The following PHKA2 variants were observed in gnomAD, a reference collection of about 807,000 sequenced individuals.
PHKA2 encodes phosphorylase b kinase regulatory subunit alpha, liver isoform.
In PHKA2, 31 loss-of-function variants were observed where a neutral mutation model predicts 102.0. The ratio of observed to expected loss-of-function variants is 0.30; its 90% CI spans 0.23 to 0.41. The LOEUF (loss-of-function observed/expected upper bound fraction) is 0.41, where lower values mean the gene tolerates loss of function less well. PHKA2 is among the 10% of genes least tolerant of loss of function. PHKA2 has a pLI of 1.00. For synonymous variants in PHKA2, 455 were observed against 416.2 expected (o/e 1.09, Z -1.13); for missense variants, 858 against 1,023.1 (o/e 0.84, Z 2.20).
At chrX:18,944,586 T>A (rs146050151) in intron 6 of PHKA2, among the ~76,000 whole-genome samples, 1,480 of 111,614 alleles carry the variant, frequency 0.013, 12 homozygotes, top group Non-Finnish European at 0.016. Flanking sequence ...GTATTTTAAA[T>A]GAGTTTGAAT....
At chrX:18,972,098 G>C (rs1601802495) in intron 1 of PHKA2, among the ~76,000 whole-genome samples, 1 of 112,467 alleles carries the variant, frequency 8.9e-6, no homozygotes, top group Non-Finnish European at 1.9e-5. Context: ...TTATAGCTTT[G>C]CTTTTCACAT....
chrX:18,897,392 G>A, intron 29 of PHKA2, 59 bp from the exon 30 acceptor site: 1 of 1,117,132 alleles, frequency 9.0e-7, no homozygotes, highest in Non-Finnish European at 1.2e-6. Flanking sequence ...CAGGGAAAGT[G>A]CGCCATCTCG....
At chrX:18,897,041 C>T (rs773477977) in intron 30 of PHKA2, 122 bp downstream of exon 30, 1 of 826,856 alleles carries the variant, frequency 1.2e-6, no homozygotes, top group Non-Finnish European at 1.8e-6. Flanking sequence ...CAGGTGCCAA[C>T]AGCGCTGAGG....
At chrX:18,924,971 T>C (rs1005246671) in intron 15 of PHKA2, among the ~76,000 whole-genome samples, 1 of 112,207 alleles carries the variant, frequency 8.9e-6, no homozygotes, top group African/African-American at 3.2e-5. Flanking sequence ...TGCCTGATGT[T>C]GAGAACAAAT....
At chrX:18,957,119 G>T (rs995567406) in intron 1 of PHKA2, among the ~76,000 whole-genome samples, 1 of 112,486 alleles carries the variant, frequency 8.9e-6, no homozygotes, top group African/African-American at 3.2e-5. Flanking sequence ...AGTCAGGCTG[G>T]TCTTGTGCTC....
chrX:18,970,775 T>C (rs1438786393), intron 1 of PHKA2, among the ~76,000 whole-genome samples: 4 of 112,391 alleles, frequency 3.6e-5, no homozygotes, highest in Admixed American at 1.9e-4. Context: ...TCTTGCAGCA[T>C]AGACCACTAC....
At chrX:18,925,839 C>A in intron 14 of PHKA2, 62 bp from the exon 15 acceptor site, 1 of 773,925 alleles carries the variant, frequency 1.3e-6, no homozygotes, top group South Asian at 2.1e-5. Context: ...GTAATCCAGG[C>A]AACTCAGGCT....
chrX:18,980,194 G>A (rs1302396365), intron 1 of PHKA2, among the ~76,000 whole-genome samples: 1 of 113,015 alleles, frequency 8.8e-6, no homozygotes, highest in Non-Finnish European at 1.9e-5. Context: ...AGGGACCTCT[G>A]CCCAGGAAAG....
chrX:18,907,891 C>T lies in PHKA2; in HGVS notation c.2517+9G>A, dbSNP rs751878227. 29 of 1,208,194 alleles carry T rather than the reference C, an allele frequency of 2.4e-5. No individual in the cohort carries two copies. The highest frequency in any genetic ancestry group is 3.1e-5 in the Non-Finnish European group (28 of 894,164). On this transcript the variant is annotated intron_variant, in intron 22 of 32. Coordinates refer to ENST00000379942, the MANE Select transcript of PHKA2 (RefSeq NM_000292.3). Reference sequence around the variant, plus strand: ...AGCACACATGGGCAGCCTGCACAGTCGCACTGACCTCAGCCAGGACCTCCA... The same window carrying T: ...AGCACACATGGGCAGCCTGCACAGTTGCACTGACCTCAGCCAGGACCTCCA...
In PHKA2 at chrX:18,983,856, T is replaced by A. The variant is rs779626363; in HGVS notation, c.77A>T (p.Gln26Leu). 8.3e-7 allele frequency: 1 copy of A among 1,208,378 alleles called. No individual in the cohort carries two copies. Among genetic ancestry groups the A allele is most frequent in the Non-Finnish European group, 1.1e-6 (1 of 892,033 alleles). Reference sequence around the variant, plus strand: ...TCCCTGGGGGCGGTCCCTCCTTACCTGGTAACACAGGATGGTTTGCTGCAC... The same window carrying A: ...TCCCTGGGGGCGGTCCCTCCTTACCAGGTAACACAGGATGGTTTGCTGCAC... ...RLVQQTILCY[Q>L]NPVTGLLSAS... Residue 26 changes from glutamine (Q) to leucine (L), a missense_variant and splice_region_variant, in exon 1 of 33, where the codon CAG becomes CTG. Physicochemically the swap from Gln to Leu is moderately radical, Grantham distance 113 (BLOSUM62 -2). Coordinates refer to ENST00000379942, the MANE Select transcript of PHKA2 (RefSeq NM_000292.3).
At chrX:18,929,524 C>T (rs777248338) in intron 12 of PHKA2, among the ~76,000 whole-genome samples, 1 of 112,138 alleles carries the variant, frequency 8.9e-6, no homozygotes, top group African/African-American at 3.2e-5. Context: ...CTCTAGGGCT[C>T]GTCGAATATG....
Position 18,952,448 on chromosome X carries a change from G to T in PHKA2, c.285+46C>A, listed in dbSNP as rs199512396. 53 of 1,082,359 alleles carry T rather than the reference G, an allele frequency of 4.9e-5. 1 individual carries two copies. In the East Asian group the frequency reaches 1.5e-3, roughly 31 times the overall value. The allele number at this position is 1,082,359 out of a possible 1,213,427, so 89.2% of individuals were successfully genotyped here. On this transcript the variant is annotated intron_variant, in intron 3 of 32. Transcript: ENST00000379942. Reference sequence around the variant, plus strand: ...GCATGTTAACTGTCACAATTACAATGACATGGAATGCCCACTTGGCAAACA... The same window carrying T: ...GCATGTTAACTGTCACAATTACAATTACATGGAATGCCCACTTGGCAAACA...
At chrX:18,932,782 T>C (rs2048336578) in intron 11 of PHKA2, among the ~76,000 whole-genome samples, 1 of 110,620 alleles carries the variant, frequency 9.0e-6, no homozygotes, top group Non-Finnish European at 1.9e-5. Context: ...GATAATCAGG[T>C]AGTATGTTAA....
intron 29 of PHKA2, among the ~76,000 whole-genome samples, chrX:18,898,815 G>A (rs963396156): frequency 2.7e-5 from 3 of 112,080 alleles, no homozygotes; most frequent in African/African-American, 9.7e-5. Context: ...GGTGCAGAGT[G>A]CTAGTTGGCA....
At chrX:18,967,991 G>A (rs957677492) in intron 1 of PHKA2, among the ~76,000 whole-genome samples, 45 of 111,058 alleles carry the variant, frequency 4.1e-4, no homozygotes, top group Non-Finnish European at 7.7e-4. Context: ...TTACCATATT[G>A]GAAATTAAAA....
At chrX:18,964,393 T>C (rs960251612) in intron 1 of PHKA2, among the ~76,000 whole-genome samples, 2 of 112,260 alleles carry the variant, frequency 1.8e-5, no homozygotes, top group Admixed American at 9.4e-5. Flanking sequence ...TGGTCTTTTT[T>C]CCTTTGGATT....
chrX:18,927,017 G>A (rs1026637489), intron 13 of PHKA2, among the ~76,000 whole-genome samples: 1 of 111,761 alleles, frequency 8.9e-6, no homozygotes, highest in Non-Finnish European at 1.9e-5. Context: ...AAAGGACGGG[G>A]GAAAGAAGAG....
chrX:18,940,185 T>C, intron 8 of PHKA2, 137 bp from the exon 9 acceptor site: 5 of 500,845 alleles, frequency 1.0e-5, no homozygotes, highest in Non-Finnish European at 1.8e-5. Flanking sequence ...TCAGTATAGT[T>C]ATTAATATAT....
At chrX:18,895,038 A>G in intron 31 of PHKA2, 100 bp downstream of exon 31, 1 of 826,310 alleles carries the variant, frequency 1.2e-6, no homozygotes, top group Non-Finnish European at 1.8e-6. Context: ...CCTGTCAATT[A>G]GAATGAGCCC....
Sources: allele counts gnomAD v4.1 joint callset (sites outside exome capture counted in the v4.1 genomes callset), GRCh38; gene constraint gnomAD v4.1.1; transcripts MANE v1.5; gene names NCBI Gene and HGNC (gene_info 2026-07-23, HGNC 2026-07-21).